Variants in GARNL3 observed in about 807,000 individuals in gnomAD.
The protein encoded by GARNL3 is GTPase activating Rap/RanGAP domain like 3.
Under a neutral mutation model 125.0 loss-of-function variants are expected in GARNL3, and 63 were observed. That is an observed-to-expected ratio of 0.50 (90% CI 0.41 to 0.62). GARNL3 has a LOEUF of 0.62. GARNL3 is among the 20% of genes least tolerant of loss of function. The pLI is 0.00. For synonymous variants in GARNL3, 439 were observed against 457.5 expected, an observed-to-expected ratio of 0.96 and a Z score of 0.52; for missense variants, 994 against 1,244.0, an observed-to-expected ratio of 0.80 and a Z score of 3.02.
intron 12 of GARNL3, among the ~76,000 whole-genome samples, chr9:127,338,752 C>T (rs767747271): frequency 1.3e-4 from 20 of 152,090 alleles, no homozygotes; most frequent in Non-Finnish European, 2.8e-4. Flanking sequence ...TTCCTGGGTA[C>T]CTGGCTTGAT....
chr9:127,359,381 T>G (rs186022755), intron 21 of GARNL3, among the ~76,000 whole-genome samples: 2 of 152,126 alleles, frequency 1.3e-5, no homozygotes, highest in East Asian at 3.9e-4. Context: ...TCCCAGCTAC[T>G]CAGGAAGCTG....
At chr9:127,368,462 C>A (rs1428505568) in intron 22 of GARNL3, among the ~76,000 whole-genome samples, 1 of 151,346 alleles carries the variant, frequency 6.6e-6, no homozygotes, top group African/African-American at 2.4e-5. Context: ...TCCTGAGTAG[C>A]TGGGATTACA....
upstream of GARNL3, among the ~76,000 whole-genome samples, chr9:127,262,195 A>G (rs1211053005): frequency 6.6e-6 from 1 of 152,222 alleles, no homozygotes. Context: ...GTATTAGTTC[A>G]GGTAAAACAG....
At chr9:127,300,836 A>C (rs1245240586) in intron 2 of GARNL3, 3 of 364,576 alleles carry the variant, frequency 8.2e-6, no homozygotes, top group African/African-American at 6.6e-5. Context: ...ATTTAGCAAC[A>C]TTAGGCATGT....
chr9:127,299,318 A>AG (rs2064709478), intron 2 of GARNL3, among the ~76,000 whole-genome samples: 1 of 124,448 alleles, frequency 8.0e-6, no homozygotes, highest in Non-Finnish European at 1.6e-5. Flanking sequence ...AAAAAAAAAA[A>AG]AAAAAAAAAA....
At chr9:127,297,125 A>T (rs1444381086) in intron 2 of GARNL3, among the ~76,000 whole-genome samples, 3 of 152,026 alleles carry the variant, frequency 2.0e-5, no homozygotes, top group Non-Finnish European at 4.4e-5. Context: ...TCACCTGTCT[A>T]CTGTATTTTC....
intron 1 of GARNL3, among the ~76,000 whole-genome samples, chr9:127,283,443 G>A (rs2064154310): frequency 6.6e-6 from 1 of 152,202 alleles, no homozygotes; most frequent in Non-Finnish European, 1.5e-5. Context: ...GACCTTAGCA[G>A]GAGGATCACT....
chr9:127,310,030 C>T (rs912832768), intron 2 of GARNL3, among the ~76,000 whole-genome samples: 34 of 152,138 alleles, frequency 2.2e-4, no homozygotes, highest in Non-Finnish European at 1.0e-4. Context: ...TTACTGTAAA[C>T]AGTAATTTAA....
chr9:127,328,042 G>A (rs569598097), intron 7 of GARNL3, among the ~76,000 whole-genome samples: 23 of 152,248 alleles, frequency 1.5e-4, no homozygotes, highest in African/African-American at 5.5e-4. Context: ...TAGAGAGAAT[G>A]CACTGATGGG....
chr9:127,301,594 A>G (rs1236191194), intron 2 of GARNL3, among the ~76,000 whole-genome samples: 1 of 152,200 alleles, frequency 6.6e-6, no homozygotes, highest in Non-Finnish European at 1.5e-5. Flanking sequence ...TGTATTTTGT[A>G]TCTAAGTGAA....
At chr9:127,303,203 A>G (rs775417439) in intron 2 of GARNL3, among the ~76,000 whole-genome samples, 1 of 152,188 alleles carries the variant, frequency 6.6e-6, no homozygotes, top group Admixed American at 6.5e-5. Context: ...TTTAGCAGAG[A>G]AAAATTTTTC....
Position 127,389,025 on chromosome 9 carries a change from T to C in GARNL3, c.2649T>C (p.Ser883=), listed in dbSNP as rs1197951723. The change falls in exon 26 of 28, where the codon AGT becomes AGC. Residue 883 remains serine (S), a synonymous_variant. Coordinates refer to ENST00000373387, the MANE Select transcript of GARNL3 (RefSeq NM_032293.5). ...SKVITPPTPI[S]VGLAAIPVTH... ...TCATCACCCCACCCACTCCCATCAG[T>C]GTGGGCCTTGCTGCCATTCCAGTCA... The C allele has an allele frequency of 1.2e-6, 2 of 1,613,680 alleles. No homozygotes were observed. The highest frequency in any genetic ancestry group is 2.2e-5 in the South Asian group (2 of 91,072).
At position 127,266,691 on chromosome 9, in the gene GARNL3, C is replaced by G. The variant is rs1466146404; in HGVS notation, c.144+1670C>G. On this transcript the variant is annotated intron_variant, in intron 1 of 27. Transcript: ENST00000373387. The surrounding 1 kb of genome is among the most constrained non-coding windows in gnomAD (Gnocchi z 4.0). ...TAAATGAGATCATGTACATAAAGTA[C>G]TTAGCACATAAGCACAGTTTATGTT... Among the ~76,000 whole-genome samples, 1 of 152,146 alleles carries G rather than the reference C, an allele frequency of 6.6e-6. No homozygotes were observed. Among genetic ancestry groups the G allele is most frequent in the Non-Finnish European group, 1.5e-5 (1 of 68,026 alleles).
chr9:127,231,042 A>ATT (rs1564835250), intron 1 of GARNL3, among the ~76,000 whole-genome samples: 6 of 46,572 alleles, frequency 1.3e-4, no homozygotes, highest in Non-Finnish European at 2.2e-4. Flanking sequence ...ATACATATAT[A>ATT]TATATATATT....
Position 127,318,120 on chromosome 9 carries a change from A to G in GARNL3, c.496A>G (p.Ile166Val). 6.3e-7 allele frequency: 1 copy of G among 1,595,256 alleles called. No individual in the cohort carries two copies. Residue 166 changes from isoleucine (I) to valine (V), a missense_variant, in exon 5 of 28, where the codon ATC becomes GTC. By Grantham distance (29) the Ile-to-Val change is conservative. Around this residue, in one of 5 missense-constraint regions of GARNL3, gnomAD observed 139 missense variants for 231.6 expected, o/e 0.60. Transcript: ENST00000373387. ...CACAAAAACTCTTTCTGTGAAGTCC[A>G]TCTTAAGGTGAGTTCTAATGGGTAG... The part of the protein sequence containing the change: ...SPTKTLSVKS[I>V]LSAMNLDKFE...
intron 2 of GARNL3, among the ~76,000 whole-genome samples, chr9:127,257,857 G>A (rs1331390659): frequency 6.6e-6 from 1 of 152,180 alleles, no homozygotes; most frequent in Non-Finnish European, 1.5e-5. Context: ...TATGAACCAG[G>A]AGCTCTATAA....
intron 27 of GARNL3, among the ~76,000 whole-genome samples, chr9:127,391,533 A>AAAAAAAAAAAAAAATATATATATATATAT: frequency 1.3e-5 from 1 of 75,848 alleles, no homozygotes; most frequent in Non-Finnish European, 3.2e-5. Context: ...ACAAAAAAAA[A>AAAAAAAAAAAAAAATATATATATATATAT]ATATATATAT....
intron 1 of GARNL3, among the ~76,000 whole-genome samples, chr9:127,241,447 C>G (rs1308636911): frequency 6.6e-6 from 1 of 151,146 alleles, no homozygotes; most frequent in Admixed American, 6.6e-5. Context: ...ATAACAGAAC[C>G]CTGGTTTCTT....
intron 21 of GARNL3, 89 bp from the exon 22 acceptor site, chr9:127,365,211 C>A (rs979825430): frequency 1.0e-5 from 11 of 1,080,330 alleles, no homozygotes; most frequent in Non-Finnish European, 1.6e-5. Flanking sequence ...CAGAGGGCCT[C>A]GGCCTCCACA....
Sources: allele counts gnomAD v4.1 joint callset (sites outside exome capture counted in the v4.1 genomes callset), GRCh38; gene constraint gnomAD v4.1.1; regional missense constraint gnomAD v4.1.1; non-coding constraint Gnocchi (gnomAD v3.1); transcripts MANE v1.5; gene names NCBI Gene and HGNC (gene_info 2026-07-23, HGNC 2026-07-21).